The following ALG13 variants were observed in gnomAD, a reference collection of about 807,000 sequenced individuals.
The protein encoded by ALG13 is ALG13 UDP-N-acetylglucosaminyltransferase subunit, also known as UDP-N-acetylglucosamine transferase subunit ALG13.
ALG13 carries 11 observed loss-of-function variants against 87.8 expected under a neutral mutation model. That is an observed-to-expected ratio of 0.13 (90% CI 0.08 to 0.21). ALG13 has a LOEUF of 0.21. Ranked by LOEUF, ALG13 falls within the 10% of genes least tolerant of loss-of-function variation. The pLI, the probability that ALG13 is intolerant of heterozygous loss-of-function variation, is 1.00. For synonymous variants in ALG13, 320 were observed against 306.3 expected, an observed-to-expected ratio of 1.04 and a Z score of -0.47; for missense variants, 756 against 866.1, an observed-to-expected ratio of 0.87 and a Z score of 1.60.
intron 23 of ALG13, among the ~76,000 whole-genome samples, chrX:111,743,495 G>A (rs1024701719): frequency 1.8e-5 from 2 of 111,677 alleles, no homozygotes; most frequent in Admixed American, 9.6e-5. Context: ...GCGTAGAGTT[G>A]TGTAACCACC....
chrX:111,728,143 A>C, intron 18 of ALG13, 42 bp from the exon 19 acceptor site: 1 of 1,208,049 alleles, frequency 8.3e-7, no homozygotes, highest in African/African-American at 1.7e-5. Context: ...TTTTCTGACT[A>C]TATAGTGAGA....
At chrX:111,736,214 G>A (rs1943227582) in intron 22 of ALG13, among the ~76,000 whole-genome samples, 1 of 111,600 alleles carries the variant, frequency 9.0e-6, no homozygotes, top group African/African-American at 3.3e-5. Context: ...TGAGGTGGGA[G>A]AATCACTTGA....
intron 3 of ALG13, chrX:111,685,997 T>C (rs1327129931): frequency 2.8e-6 from 1 of 358,055 alleles, no homozygotes. Flanking sequence ...TTTATTCATG[T>C]TTATTGAGAA....
Sources: allele counts gnomAD v4.1 joint callset (sites outside exome capture counted in the v4.1 genomes callset), GRCh38; gene constraint gnomAD v4.1.1; transcripts MANE v1.5; gene names NCBI Gene and HGNC (gene_info 2026-07-23, HGNC 2026-07-21).